FAM171A2: variants seen among roughly 807,000 people sequenced by gnomAD.
The protein encoded by FAM171A2 is family with sequence similarity 171 member A2.
In FAM171A2, 13 loss-of-function variants were observed where a neutral mutation model predicts 34.2. The ratio of observed to expected loss-of-function variants is 0.38; its 90% confidence interval spans 0.25 to 0.60. The LOEUF (loss-of-function observed/expected upper bound fraction) is 0.60, where lower values mean the gene tolerates loss of function less well. Among genes scored for constraint, FAM171A2 ranks in the 20% least tolerant of loss-of-function variants. FAM171A2 has a pLI of 0.62. For synonymous variants in FAM171A2, 475 were observed against 561.2 expected, an observed-to-expected ratio of 0.85 and a Z score of 2.17; for missense variants, 950 against 1,180.7, an observed-to-expected ratio of 0.80 and a Z score of 2.86.
rs879328636 is a variant in FAM171A2 at position 44,355,138 on chromosome 17, G to A, written c.1076C>T (p.Pro359Leu). The change falls in exon 8 of 8, where the codon CCC becomes CTC. Residue 359 changes from proline to leucine, a missense_variant. Around this residue, in one of 3 missense-constraint regions of FAM171A2, gnomAD observed 752 missense variants for 924.5 expected, o/e 0.81. Transcript: ENST00000293443. This position sits in a 1 kb window ranked among gnomAD's most constrained non-coding sequence, Gnocchi z 4.1. ...QQHRKLQLSG[P>L]SDGNKRDQAT... Reference sequence around the variant, plus strand: ...CTGGTCTCGTTTGTTACCGTCAGAGGGCCCCGAGAGCTGCAGCTTGCGGTG... The same window carrying A: ...CTGGTCTCGTTTGTTACCGTCAGAGAGCCCCGAGAGCTGCAGCTTGCGGTG... 4 of 1,551,068 alleles carry A rather than the reference G, an allele frequency of 2.6e-6. No individual in the cohort carries two copies. Among genetic ancestry groups the A allele is most frequent in the Admixed American group, 2.0e-5 (1 of 51,002 alleles).
rs1023329951 is a variant in FAM171A2, at chr17:44,354,493, C to A, written c.1721G>T (p.Arg574Leu). 2 of 1,080,724 alleles carry A rather than the reference C, an allele frequency of 1.9e-6. No homozygotes were observed. The highest frequency in any genetic ancestry group is 1.7e-5 in the African/African-American group (1 of 59,126). 66.9% of individuals were successfully genotyped at this position (1,080,724 alleles called of 1,614,324 possible). A position where few individuals can be genotyped will look rare whatever the true frequency, so the allele number is the denominator to read the frequency against. Reference sequence around the variant, plus strand: ...CTGGGGGTCGGGCTGGGGAAAAGCGCGCGCCGGGCCGGGTGCCGTGCCCTC... The same window carrying A: ...CTGGGGGTCGGGCTGGGGAAAAGCGAGCGCCGGGCCGGGTGCCGTGCCCTC... ...PPEGTAPGPA[R>L]AFPQPDPQRP... Residue 574 changes from arginine to leucine, a missense_variant, in exon 8 of 8, where the codon CGC (arginine) becomes CTC (leucine). Around this residue, in one of 3 missense-constraint regions of FAM171A2, gnomAD observed 752 missense variants for 924.5 expected, o/e 0.81. Transcript: ENST00000293443. The surrounding 1 kb of genome is among the most constrained non-coding windows in gnomAD (Gnocchi z 5.8).
At chr17:44,358,557 G>A (rs892891008) in intron 3 of FAM171A2, among the ~76,000 whole-genome samples, 1 of 152,134 alleles carries the variant, frequency 6.6e-6, no homozygotes, top group African/African-American at 2.4e-5. Context: ...CTGGCGTGGT[G>A]ATGGGTGCCT....
In FAM171A2 at chr17:44,354,078, A is replaced by G. The variant is rs1452095237; in HGVS notation, c.2136T>C (p.Pro712=). Residue 712 remains proline (P), a synonymous_variant, in exon 8 of 8, where the codon CCT becomes CCC. Transcript: ENST00000293443. The surrounding 1 kb of genome is among the most constrained non-coding windows in gnomAD (Gnocchi z 5.8). ...PAREERERAP[P]AAPPPPPAPP... is the part of the protein sequence containing the mutation. ...GCGCGGGCGGCGGCGGCGGCGCGGC[A>G]GGCGGGGCGCGCTCCCGCTCCTCCC... is the stretch of plus-strand genomic sequence containing the variant. The G allele has an allele frequency of 4.5e-6, 5 of 1,103,232 alleles. No individual in the cohort carries two copies. Among genetic ancestry groups the G allele is most frequent in the Non-Finnish European group, 5.5e-6 (5 of 906,418 alleles). The allele number at this position is 1,103,232 out of a possible 1,614,324, so 68.3% of individuals were successfully genotyped here. A position where few individuals can be genotyped will look rare whatever the true frequency, so the allele number is the denominator to read the frequency against.
Position 44,355,699 on chromosome 17 carries a change from GA to G in FAM171A2, c.1022+15del. The G allele has an allele frequency of 6.4e-7, 1 of 1,551,316 alleles. No individual in the cohort carries two copies. On this transcript the variant is annotated intron_variant, in intron 7 of 7. Coordinates refer to ENST00000293443, the MANE Select transcript of FAM171A2 (RefSeq NM_198475.3). The surrounding 1 kb of genome is among the most constrained non-coding windows in gnomAD (Gnocchi z 4.1). ...GGTACAAGTGCAGGGGAGGGTGAGG[GA>G]AGCCCCGTGCTCACCGGCAGTAGTA... is the stretch of plus-strand genomic sequence containing the variant.
At chr17:44,358,159 G>C (rs1243689886) in intron 3 of FAM171A2, among the ~76,000 whole-genome samples, 1 of 152,230 alleles carries the variant, frequency 6.6e-6, no homozygotes, top group Admixed American at 6.5e-5. Flanking sequence ...AGGAAAGAAA[G>C]AGGGAAAGGA....
chr17:44,354,111 C>G lies in FAM171A2; in HGVS notation c.2103G>C (p.Arg701=), dbSNP rs1197871132. ...CGCGCTCCCGCTCCTCCCTCGCGGGCCGGCGGCGCGCGGGCCGCGCCTCGT... is the reference window on the plus strand; with the variant it reads ...CGCGCTCCCGCTCCTCCCTCGCGGGGCGGCGGCGCGCGGGCCGCGCCTCGT... The part of the protein sequence containing the change: ...DVHEARPARR[R]PAREERERAP... Residue 701 remains arginine (R), a synonymous_variant, in exon 8 of 8, where the codon CGG becomes CGC. Coordinates refer to ENST00000293443, the MANE Select transcript of FAM171A2 (RefSeq NM_198475.3). The surrounding 1 kb of genome is among the most constrained non-coding windows in gnomAD (Gnocchi z 5.8). 1.8e-6 allele frequency: 2 copies of G among 1,133,336 alleles called. No homozygotes were observed. The highest frequency in any genetic ancestry group is 2.2e-6 in the Non-Finnish European group (2 of 923,968). The allele number at this position is 1,133,336 out of a possible 1,614,324, so 70.2% of individuals were successfully genotyped here.
chr17:44,354,812 C>A lies in FAM171A2; in HGVS notation c.1402G>T (p.Ala468Ser). 1 of 1,286,194 alleles carries A rather than the reference C, an allele frequency of 7.8e-7. No individual in the cohort carries two copies. The highest frequency in any genetic ancestry group is 2.3e-5 in the South Asian group (1 of 42,586). The allele number at this position is 1,286,194 out of a possible 1,614,324, so 79.7% of individuals were successfully genotyped here. Residue 468 changes from alanine to serine, a missense_variant, in exon 8 of 8, where the codon GCG becomes TCG. Transcript: ENST00000293443. This position sits in a 1 kb window ranked among gnomAD's most constrained non-coding sequence, Gnocchi z 5.8. ...EEHRRGPSGA[A>S]AFLHEPPSPP... ...GAGGGCGGCTCGTGCAGGAAGGCCG[C>A]AGCCCCCGAGGGCCCCCGCCGGTGC...
rs2048397457 is a variant in FAM171A2 at position 44,353,258 on chromosome 17, T to TATCA, written c.*471_*474dup. ...TATTTGCTGCTGCCCACATCGGCTG[T>TATCA]ATCACATTACCCCCTAGTCCCCAGA... On this transcript the variant is annotated 3_prime_UTR_variant, in exon 8 of 8. Transcript: ENST00000293443. The TATCA allele has an allele frequency of 3.9e-6, 1 of 256,872 alleles. No homozygotes were observed. Among genetic ancestry groups the TATCA allele is most frequent in the Non-Finnish European group, 7.7e-6 (1 of 130,532 alleles). 15.9% of individuals were successfully genotyped at this position (256,872 alleles called of 1,614,324 possible).
chr17:44,354,249 G>T lies in FAM171A2; in HGVS notation c.1965C>A (p.Phe655Leu). ...LGVKPHPRAW[F>L]VSLDGRSNSQ... is the part of the protein sequence containing the mutation. ...AGTTGGAGCGCCCGTCGAGGGACACGAACCAGGCGCGCGGGTGCGGCTTCA... is the reference window on the plus strand; with the variant it reads ...AGTTGGAGCGCCCGTCGAGGGACACTAACCAGGCGCGCGGGTGCGGCTTCA... The change falls in exon 8 of 8, where the codon TTC becomes TTA. Residue 655 changes from phenylalanine to leucine, a missense_variant. Phe to Leu is a conservative substitution (Grantham distance 22, BLOSUM62 0). Coordinates refer to ENST00000293443, the MANE Select transcript of FAM171A2 (RefSeq NM_198475.3). This position sits in a 1 kb window ranked among gnomAD's most constrained non-coding sequence, Gnocchi z 5.8. 6.9e-7 allele frequency: 1 copy of T among 1,455,054 alleles called. No individual in the cohort carries two copies. Among genetic ancestry groups the T allele is most frequent in the East Asian group, 2.9e-5 (1 of 34,260 alleles). The allele number at this position is 1,455,054 out of a possible 1,614,324, so 90.1% of individuals were successfully genotyped here. A position where few individuals can be genotyped will look rare whatever the true frequency, so the allele number is the denominator to read the frequency against.
At chr17:44,356,740 G>A (rs1407392724) in intron 3 of FAM171A2, among the ~76,000 whole-genome samples, 152 bp from the exon 4 acceptor site, 1 of 152,244 alleles carries the variant, frequency 6.6e-6, no homozygotes, top group African/African-American at 2.4e-5. Context: ...AAGCTGGGCA[G>A]TCATGGAATG....
In FAM171A2 at chr17:44,361,132, G is replaced by A. The variant is rs572712335; in HGVS notation, c.119-1000C>T. Reference sequence around the variant, plus strand: ...CCAGGGATGCCTCTGCCCACAGCCCGTGGAGAATCTGGCCAGGCCATCAGG... The same window carrying A: ...CCAGGGATGCCTCTGCCCACAGCCCATGGAGAATCTGGCCAGGCCATCAGG... On this transcript the variant is annotated intron_variant, in intron 1 of 7. Coordinates refer to ENST00000293443, the MANE Select transcript of FAM171A2 (RefSeq NM_198475.3). Among the ~76,000 whole-genome samples the A allele has an allele frequency of 2.2e-3, 331 of 152,342 alleles. 1 individual carries two copies. The highest frequency in any genetic ancestry group is 7.2e-3 in the African/African-American group (300 of 41,580).
intron 1 of FAM171A2, 34 bp from the exon 2 acceptor site, chr17:44,360,166 G>A (rs919508816): frequency 7.3e-6 from 11 of 1,514,574 alleles, no homozygotes; most frequent in East Asian, 4.9e-5. Flanking sequence ...GAGTGAGGAC[G>A]AGGGAGGGGG....
rs1348321960 is a variant in FAM171A2, at chr17:44,354,507, T to G, written c.1707A>C (p.Ala569=). The G allele has an allele frequency of 6.8e-5, 76 of 1,111,602 alleles. 1 individual carries two copies. In the Admixed American group the frequency reaches 3.4e-3, roughly 50 times the overall value. The allele number at this position is 1,111,602 out of a possible 1,614,324, so 68.9% of individuals were successfully genotyped here. A position where few individuals can be genotyped will look rare whatever the true frequency, so the allele number is the denominator to read the frequency against. ...GDEPAPPEGT[A]PGPARAFPQP... ...GGGGAAAAGCGCGCGCCGGGCCGGGTGCCGTGCCCTCCGGCGGGGCCGGCT... is the reference window on the plus strand; with the variant it reads ...GGGGAAAAGCGCGCGCCGGGCCGGGGGCCGTGCCCTCCGGCGGGGCCGGCT... Residue 569 remains alanine, a synonymous_variant, in exon 8 of 8, where the codon GCA becomes GCC. Coordinates refer to ENST00000293443, the MANE Select transcript of FAM171A2 (RefSeq NM_198475.3). This position sits in a 1 kb window ranked among gnomAD's most constrained non-coding sequence, Gnocchi z 5.8.
chr17:44,356,293 C>T lies in FAM171A2; in HGVS notation c.658G>A (p.Gly220Ser). 6.4e-7 allele frequency: 1 copy of T among 1,550,966 alleles called. No individual in the cohort carries two copies. The highest frequency in any genetic ancestry group is 1.2e-5 in the South Asian group (1 of 84,040). Reference sequence around the variant, plus strand: ...GAGAGCGGCACCTCTGTCCCATTACCTGTCAGCAGGTGCACGCTCACAGCA... The same window carrying T: ...GAGAGCGGCACCTCTGTCCCATTACTTGTCAGCAGGTGCACGCTCACAGCA... ...LTAVSVHLLT[G>S]NGTEVPLSGP... The change falls in exon 5 of 8, where the codon GGT (glycine) becomes AGT (serine). Residue 220 changes from glycine to serine, a missense_variant. Coordinates refer to ENST00000293443, the MANE Select transcript of FAM171A2 (RefSeq NM_198475.3).
chr17:44,359,482 T>C (rs1249305105), intron 3 of FAM171A2, 97 bp downstream of exon 3: 2 of 1,035,362 alleles, frequency 1.9e-6, no homozygotes, highest in Non-Finnish European at 2.9e-6. Flanking sequence ...GTGAAGTGAC[T>C]TGCCCAAGGA....
chr17:44,363,813 G>T lies in FAM171A2; in HGVS notation c.-99C>A. ...GCTCTGCGCCGCGCCTCGCAGCTCC[G>T]GCTCCCGCTCCCGCTGCGGCGCCCG... On this transcript the variant is annotated 5_prime_UTR_variant, in exon 1 of 8. Coordinates refer to ENST00000293443, the MANE Select transcript of FAM171A2 (RefSeq NM_198475.3). The T allele has an allele frequency of 2.1e-6, 1 of 479,312 alleles. No homozygotes were observed. The highest frequency in any genetic ancestry group is 1.0e-4 in the South Asian group (1 of 9,716). The allele number at this position is 479,312 out of a possible 1,614,324, so 29.7% of individuals were successfully genotyped here.
chr17:44,360,278 A>G, intron 1 of FAM171A2, 146 bp from the exon 2 acceptor site: 1 of 661,608 alleles, frequency 1.5e-6, no homozygotes, highest in Non-Finnish European at 2.6e-6. Context: ...CCCAGCATTC[A>G]CAGAGCACTC....
At chr17:44,357,905 T>C (rs975691910) in intron 3 of FAM171A2, among the ~76,000 whole-genome samples, 27 of 152,306 alleles carry the variant, frequency 1.8e-4, no homozygotes, top group African/African-American at 6.5e-4. Flanking sequence ...CTGAGCTAGG[T>C]ATCTATTATC....
intron 3 of FAM171A2, 86 bp downstream of exon 3, chr17:44,359,493 C>T (rs2048438978): frequency 1.7e-6 from 2 of 1,165,200 alleles, no homozygotes; most frequent in Non-Finnish European, 2.5e-6. Flanking sequence ...TGCCCAAGGA[C>T]ACCCAGCTAA....
Sources: allele counts gnomAD v4.1 joint callset (sites outside exome capture counted in the v4.1 genomes callset), GRCh38; gene constraint gnomAD v4.1.1; regional missense constraint gnomAD v4.1.1; non-coding constraint Gnocchi (gnomAD v3.1); transcripts MANE v1.5; gene names NCBI Gene and HGNC (gene_info 2026-07-23, HGNC 2026-07-21).